PTPRD: variants seen among roughly 807,000 people sequenced by gnomAD.
PTPRD encodes receptor-type tyrosine-protein phosphatase delta.
PTPRD carries 34 observed loss-of-function variants against 214.5 expected under a neutral mutation model. The observed-to-expected ratio is 0.16, with a 90% CI of 0.12 to 0.21. PTPRD has a LOEUF of 0.21. Ranked by LOEUF, PTPRD falls within the 10% of genes least tolerant of loss-of-function variation. The pLI is 1.00. For missense variants in PTPRD, 2,545 were observed against 2,398.7 expected (o/e 1.06, Z -1.27); for synonymous variants, 1,128 against 845.7 (o/e 1.33, Z -5.79).
At chr9:9,247,662 C>T (rs1426627027) in intron 9 of PTPRD, among the ~76,000 whole-genome samples, 1 of 152,070 alleles carries the variant, frequency 6.6e-6, no homozygotes, top group Non-Finnish European at 1.5e-5. Context: ...GACTCACATG[C>T]TTTCTTCTAG....
chr9:9,471,859 G>A (rs935565199), intron 8 of PTPRD, among the ~76,000 whole-genome samples: 1 of 151,946 alleles, frequency 6.6e-6, no homozygotes, highest in Admixed American at 6.6e-5. Context: ...ACATTTAAAT[G>A]GTCACATTTC....
intron 5 of PTPRD, among the ~76,000 whole-genome samples, chr9:9,923,003 A>C (rs2083027914): frequency 6.6e-6 from 1 of 151,978 alleles, no homozygotes; most frequent in Non-Finnish European, 1.5e-5. Context: ...GAATCTTACT[A>C]CCATACTGTA....
chr9:9,852,930 G>C lies in PTPRD; in HGVS notation c.-368+85577C>G, dbSNP rs183833344. Reference sequence around the variant, plus strand: ...CTGTGCACTATACCTGAGTGAATCAGCTGGATATCTAATGGTGTTCCACAA... The same window carrying C: ...CTGTGCACTATACCTGAGTGAATCACCTGGATATCTAATGGTGTTCCACAA... On this transcript the variant is annotated intron_variant, in intron 5 of 45. Coordinates refer to ENST00000381196, the MANE Select transcript of PTPRD (RefSeq NM_002839.4). Among the ~76,000 whole-genome samples the C allele has an allele frequency of 1.2e-4, 18 of 152,254 alleles. No homozygotes were observed. In the East Asian group the frequency reaches 3.1e-3, roughly 26 times the overall value.
chr9:9,245,963 G>A (rs1344819114), intron 9 of PTPRD, among the ~76,000 whole-genome samples: 3 of 151,948 alleles, frequency 2.0e-5, no homozygotes, highest in South Asian at 2.1e-4. Context: ...CTTATAAAAC[G>A]TTCAAGCAAA....
intron 11 of PTPRD, among the ~76,000 whole-genome samples, chr9:8,818,303 T>A (rs887782272): frequency 2.6e-5 from 4 of 152,224 alleles, no homozygotes; most frequent in African/African-American, 9.6e-5. Context: ...CTGCCTCACC[T>A]TATTTGATTC....
At chr9:9,595,296 A>ATTT (rs2093198182) in intron 7 of PTPRD, among the ~76,000 whole-genome samples, 1 of 63,116 alleles carries the variant, frequency 1.6e-5, no homozygotes, top group African/African-American at 5.4e-5. Context: ...TATTATATAT[A>ATTT]TATATATATA....
chr9:10,483,052 G>A (rs754287191), intron 2 of PTPRD, among the ~76,000 whole-genome samples: 8 of 152,116 alleles, frequency 5.3e-5, no homozygotes, highest in Admixed American at 2.6e-4. Context: ...TAAGGCTATA[G>A]TAACCAAACA....
intron 8 of PTPRD, among the ~76,000 whole-genome samples, chr9:9,403,006 G>A (rs1587359964): frequency 1.4e-5 from 2 of 141,292 alleles, no homozygotes; most frequent in Admixed American, 1.4e-4. Flanking sequence ...AAAAAAATGA[G>A]GTGCCAGGCG....
intron 5 of PTPRD, among the ~76,000 whole-genome samples, chr9:9,874,945 T>C (rs952033648): frequency 6.6e-6 from 1 of 152,154 alleles, no homozygotes; most frequent in Admixed American, 6.6e-5. Context: ...ATAGATAGAT[T>C]ACCTTAAAAT....
intron 4 of PTPRD, among the ~76,000 whole-genome samples, chr9:9,960,607 G>T (rs528277981): frequency 1.3e-5 from 2 of 152,046 alleles, no homozygotes; most frequent in African/African-American, 4.8e-5. Context: ...GACCTCTGTG[G>T]TATTTCCTCC....
intron 4 of PTPRD, among the ~76,000 whole-genome samples, chr9:9,967,729 CTTT>C (rs978060938): frequency 2.0e-5 from 3 of 152,068 alleles, no homozygotes; most frequent in African/African-American, 7.2e-5. Flanking sequence ...TGTGCTTTCG[CTTT>C]TTTATTTCAA....
At chr9:10,585,778 A>ATT (rs1338462018) in intron 2 of PTPRD, among the ~76,000 whole-genome samples, 1 of 151,968 alleles carries the variant, frequency 6.6e-6, no homozygotes, top group African/African-American at 2.4e-5. Context: ...GGCCCTTATT[A>ATT]AATACTGGAG....
At chr9:8,726,638 T>TC (rs1249558595) in intron 12 of PTPRD, among the ~76,000 whole-genome samples, 1 of 65,810 alleles carries the variant, frequency 1.5e-5, no homozygotes, top group Non-Finnish European at 2.7e-5. Context: ...TATATATATA[T>TC]ATATATATAT....
intron 7 of PTPRD, among the ~76,000 whole-genome samples, chr9:9,721,545 AC>A (rs1426838106): frequency 1.3e-5 from 2 of 152,168 alleles, no homozygotes; most frequent in African/African-American, 4.8e-5. Context: ...AATTCCTTAG[AC>A]ATGACAAGTT....
At chr9:9,104,327 A>G (rs528771746) in intron 10 of PTPRD, among the ~76,000 whole-genome samples, 68 of 152,324 alleles carry the variant, frequency 4.5e-4, no homozygotes, top group South Asian at 2.9e-3. Context: ...CCCCAAACAT[A>G]TAAAAATGTA....
chr9:9,645,334 A>C (rs1221611994), intron 7 of PTPRD, among the ~76,000 whole-genome samples: 1 of 152,154 alleles, frequency 6.6e-6, no homozygotes, highest in Admixed American at 6.5e-5. Context: ...AAAATGATAC[A>C]GTATTTTGAG....
At chr9:9,432,129 T>TATCA (rs2083439369) in intron 8 of PTPRD, among the ~76,000 whole-genome samples, 1 of 150,694 alleles carries the variant, frequency 6.6e-6, no homozygotes, top group South Asian at 2.1e-4. Flanking sequence ...GCAATATATA[T>TATCA]ATCATGCATT....
At chr9:10,454,472 G>A (rs915430305) in intron 2 of PTPRD, among the ~76,000 whole-genome samples, 1 of 151,656 alleles carries the variant, frequency 6.6e-6, no homozygotes. Context: ...AATATCTGTA[G>A]CAAGACATAC....
chr9:9,510,478 T>C (rs1419003225), intron 8 of PTPRD, among the ~76,000 whole-genome samples: 1 of 151,424 alleles, frequency 6.6e-6, no homozygotes, highest in Non-Finnish European at 1.5e-5. Flanking sequence ...AGAGGGATAG[T>C]TAGTTGCTTT....
Sources: gnomAD v4.1 joint callset for allele counts (sites outside exome capture counted in the v4.1 genomes callset) on GRCh38, gnomAD v4.1.1 for gene constraint, MANE v1.5 for transcripts, NCBI Gene and HGNC (gene_info 2026-07-23, HGNC 2026-07-21) for gene names.